The following CR1 variants were observed in gnomAD, a reference collection of about 807,000 sequenced individuals.
CR1 encodes the protein complement receptor type 1.
CR1 carries 116 observed loss-of-function variants against 187.3 expected under a neutral mutation model. The ratio of observed to expected loss-of-function variants is 0.62; its 90% confidence interval spans 0.53 to 0.72. The LOEUF (loss-of-function observed/expected upper bound fraction) is 0.72. Among genes scored for constraint, CR1 ranks in the 30% least tolerant of loss-of-function variants. CR1 has a pLI of 0.00. For missense variants in CR1, 1,731 were observed against 2,110.7 expected (o/e 0.82, Z 3.52); for synonymous variants, 576 against 747.1 (o/e 0.77, Z 3.73).
chr1:207,617,503 A>G lies in CR1; in HGVS notation c.6890-568A>G, dbSNP rs1400480156. ...TTAAAGTATATATATATATATATAT[A>G]TATATGTGTGTGTGTGTGTGTGTGT... is the stretch of plus-strand genomic sequence containing the variant. On this transcript the variant is annotated intron_variant, in intron 41 of 46. Transcript: ENST00000367049. 2.2e-3 allele frequency among the ~76,000 whole-genome samples: 108 copies of G among 49,092 alleles called. 9 individuals are homozygous for G. The highest frequency in any genetic ancestry group is 8.2e-3 in the Middle Eastern group (1 of 122). The allele number at this position is 49,092 out of a possible 152,430, so 32.2% of individuals were successfully genotyped here. A position where few individuals can be genotyped will look rare whatever the true frequency, so the allele number is the denominator to read the frequency against.
At position 207,513,155 on chromosome 1, in the gene CR1, T is replaced by C. The variant is rs569454918; in HGVS notation, c.487+1501T>C. Among the ~76,000 whole-genome samples the C allele has an allele frequency of 3.4e-4, 52 of 152,346 alleles. 1 individual carries two copies. In the South Asian group the frequency reaches 0.011, roughly 32 times the overall value. The stretch of plus-strand genomic sequence containing the variant: ...AAGTAACACTTTAGTCGGCTATCCG[T>C]CTACTTTGGTTTTAGAGACTCCATG... On this transcript the variant is annotated intron_variant, in intron 4 of 46. Coordinates refer to ENST00000367049, the MANE Select transcript of CR1 (RefSeq NM_000651.6).
intron 33 of CR1, 90 bp from the exon 34 acceptor site, chr1:207,587,296 G>T: frequency 8.9e-7 from 1 of 1,118,120 alleles, no homozygotes; most frequent in South Asian, 1.7e-5. Context: ...TTGTTTCTGT[G>T]ATCCACCTAT....
chr1:207,585,104 A>C (rs1277137704), intron 33 of CR1, among the ~76,000 whole-genome samples: 1 of 152,124 alleles, frequency 6.6e-6, no homozygotes, highest in Non-Finnish European at 1.5e-5. Flanking sequence ...AGAGGGTGGG[A>C]AAAAGGGACT....
At position 207,641,712 on chromosome 1, in the gene CR1, C is replaced by A. The variant is rs1473448621; in HGVS notation, c.*2303C>A. 4 of 152,166 alleles carry A rather than the reference C, an allele frequency of 2.6e-5. No individual in the cohort carries two copies. The highest frequency in any genetic ancestry group is 5.9e-5 in the Non-Finnish European group (4 of 68,034). The allele number at this position is 152,166 out of a possible 1,614,324, so 9.4% of individuals were successfully genotyped here. ...GTTTATGATGCTTTAATGAAATTTT[C>A]TGTCTCTACCATTGTAATGAGAAAG... On this transcript the variant is annotated 3_prime_UTR_variant, in exon 47 of 47. Transcript: ENST00000367049.
At chr1:207,621,891 A>T in intron 43 of CR1, 82 bp from the exon 44 acceptor site, 1 of 1,161,822 alleles carries the variant, frequency 8.6e-7, no homozygotes, top group East Asian at 2.6e-5. Flanking sequence ...AAAAATCAGG[A>T]TGACTTGTCA....
At chr1:207,523,524 A>G in intron 4 of CR1, 87 bp from the exon 5 acceptor site, 1 of 1,569,856 alleles carries the variant, frequency 6.4e-7, no homozygotes, top group Non-Finnish European at 8.6e-7. Flanking sequence ...AATGAATGTA[A>G]AAATAGCTAT....
chr1:207,589,937 C>G (rs1661222806), intron 35 of CR1, among the ~76,000 whole-genome samples: 1 of 152,236 alleles, frequency 6.6e-6, no homozygotes, highest in Non-Finnish European at 1.5e-5. Context: ...TGAACAAAGC[C>G]TCCAAGAAAT....
intron 35 of CR1, among the ~76,000 whole-genome samples, chr1:207,601,440 T>C (rs1661601810): frequency 6.6e-6 from 1 of 152,156 alleles, no homozygotes; most frequent in Admixed American, 6.6e-5. Flanking sequence ...TACCCAGAAG[T>C]GGAATTCCTG....
In CR1 at chr1:207,640,592, A is replaced by G. The variant is rs940624977; in HGVS notation, c.*1183A>G. The G allele has an allele frequency of 7.2e-5, 11 of 152,236 alleles. No homozygotes were observed. The highest frequency in any genetic ancestry group is 2.7e-4 in the African/African-American group (11 of 41,468). 9.4% of individuals were successfully genotyped at this position (152,236 alleles called of 1,614,324 possible). On this transcript the variant is annotated 3_prime_UTR_variant, in exon 47 of 47. Transcript: ENST00000367049. ...ATATACTAAATTAACTTTTTAAAAC[A>G]CAACTTTTAAAAAATGTATCAAAAT... is the stretch of plus-strand genomic sequence containing the variant.
intron 32 of CR1, among the ~76,000 whole-genome samples, chr1:207,584,130 A>C (rs1159085086): frequency 6.6e-6 from 1 of 152,138 alleles, no homozygotes; most frequent in Non-Finnish European, 1.5e-5. Flanking sequence ...GCAATCTTTC[A>C]TCTGTATTTT....
At chr1:207,504,739 A>C (rs763407057) in intron 1 of CR1, among the ~76,000 whole-genome samples, 12 of 152,232 alleles carry the variant, frequency 7.9e-5, no homozygotes, top group Non-Finnish European at 1.6e-4. Flanking sequence ...AAACTGGCAG[A>C]GACTTTTTGA....
rs771204902 is a variant in CR1 at position 207,640,076 on chromosome 1, T to C, written c.*667T>C. 2.6e-5 allele frequency: 4 copies of C among 151,942 alleles called. No homozygotes were observed. Among genetic ancestry groups the C allele is most frequent in the Non-Finnish European group, 2.9e-5 (2 of 67,988 alleles). 9.4% of individuals were successfully genotyped at this position (151,942 alleles called of 1,614,324 possible). On this transcript the variant is annotated 3_prime_UTR_variant, in exon 47 of 47. Coordinates refer to ENST00000367049, the MANE Select transcript of CR1 (RefSeq NM_000651.6). ...AGGCATGAAATGATCATGGGAAGAG[T>C]GGTTAAGACTACTGAAGAGAAATAT... is the stretch of plus-strand genomic sequence containing the variant.
intron 4 of CR1, among the ~76,000 whole-genome samples, chr1:207,522,903 G>A (rs1216489680): frequency 1.3e-5 from 2 of 152,142 alleles, no homozygotes; most frequent in Non-Finnish European, 2.9e-5. Flanking sequence ...ACTTTAAAAT[G>A]TATTTAGGGG....
At chr1:207,517,671 C>A (rs989040950) in intron 4 of CR1, among the ~76,000 whole-genome samples, 5 of 152,040 alleles carry the variant, frequency 3.3e-5, no homozygotes, top group African/African-American at 1.2e-4. Flanking sequence ...GATTTAATAT[C>A]TTTAATAGCT....
At position 207,630,600 on chromosome 1, in the gene CR1, A is replaced by C; in HGVS notation, c.7436A>C (p.Gln2479Pro). The C allele has an allele frequency of 1.2e-6, 2 of 1,604,324 alleles. No individual in the cohort carries two copies. The highest frequency in any genetic ancestry group is 1.1e-5 in the South Asian group (1 of 88,196). ...GGSSVHPRTL[Q>P]TNEENSRVLP ...AGCAGCGTTCATCCCCGAACTCTGCAAACAAATGAAGAAAATAGCAGGTAC... is the reference window on the plus strand; with the variant it reads ...AGCAGCGTTCATCCCCGAACTCTGCCAACAAATGAAGAAAATAGCAGGTAC... Residue 2479 changes from glutamine to proline, a missense_variant, in exon 46 of 47, where the codon CAA (glutamine) becomes CCA (proline). Gln to Pro is a moderately conservative substitution (Grantham distance 76). Transcript: ENST00000367049.
chr1:207,498,889 A>AAAAAG (rs1659178007), intron 1 of CR1, among the ~76,000 whole-genome samples: 1 of 149,570 alleles, frequency 6.7e-6, no homozygotes, highest in African/African-American at 2.4e-5. Flanking sequence ...AAAAAAAAAA[A>AAAAAG]AAAAGAAACA....
chr1:207,611,886 G>T (rs1437041232), intron 38 of CR1, 33 bp downstream of exon 38: 1 of 1,613,732 alleles, frequency 6.2e-7, no homozygotes, highest in African/African-American at 1.3e-5. Context: ...AGATTGCTCT[G>T]TTTTCCCCTT....
chr1:207,590,052 A>G (rs933953630), intron 35 of CR1, among the ~76,000 whole-genome samples: 1 of 152,250 alleles, frequency 6.6e-6, no homozygotes, highest in Admixed American at 6.5e-5. Context: ...ATTATCCAGG[A>G]GAACTGCCCC....
rs899017286 is a variant in CR1 at position 207,640,658 on chromosome 1, G to A, written c.*1249G>A. The A allele has an allele frequency of 1.3e-5, 2 of 152,246 alleles. No homozygotes were observed. The highest frequency in any genetic ancestry group is 4.8e-5 in the African/African-American group (2 of 41,554). The allele number at this position is 152,246 out of a possible 1,614,324, so 9.4% of individuals were successfully genotyped here. A position where few individuals can be genotyped will look rare whatever the true frequency, so the allele number is the denominator to read the frequency against. On this transcript the variant is annotated 3_prime_UTR_variant, in exon 47 of 47. Transcript: ENST00000367049. ...ATATTTTTAAAATAAGTGACCTTGT[G>A]TTCTTTAACCAGTCCACATCTTTAG...
Sources: gnomAD v4.1 joint callset for allele counts (sites outside exome capture counted in the v4.1 genomes callset) on GRCh38, gnomAD v4.1.1 for gene constraint, MANE v1.5 for transcripts, NCBI Gene and HGNC (gene_info 2026-07-23, HGNC 2026-07-21) for gene names.